CFAP299: variants seen among roughly 807,000 people sequenced by gnomAD.
CFAP299 encodes cilia- and flagella-associated protein 299.
CFAP299 carries 21 observed loss-of-function variants against 27.0 expected under a neutral mutation model. The ratio of observed to expected loss-of-function variants is 0.78; its 90% CI spans 0.55 to 1.12. CFAP299 has a LOEUF of 1.12. CFAP299 is among the 50% of genes most tolerant of loss of function. CFAP299 has a pLI of 0.00. For missense variants in CFAP299, 310 were observed against 276.6 expected (o/e 1.12, Z -0.86); for synonymous variants, 104 against 98.1 (o/e 1.06, Z -0.36).
chr4:80,935,986 G>T (rs1214332835), intron 4 of CFAP299, among the ~76,000 whole-genome samples: 3 of 152,152 alleles, frequency 2.0e-5, no homozygotes, highest in African/African-American at 7.2e-5. Context: ...GATCATTAGA[G>T]AAATGCAAAT....
At chr4:80,418,568 C>A (rs1727133600) in intron 2 of CFAP299, among the ~76,000 whole-genome samples, 1 of 152,124 alleles carries the variant, frequency 6.6e-6, no homozygotes, top group Admixed American at 6.5e-5. Flanking sequence ...TCACACTGTG[C>A]AATTGATCTA....
chr4:80,702,547 A>G (rs895660609), intron 3 of CFAP299, among the ~76,000 whole-genome samples: 6 of 151,886 alleles, frequency 4.0e-5, no homozygotes, highest in Admixed American at 1.3e-4. Flanking sequence ...GGCTCAGATA[A>G]GACCATACAA....
At chr4:80,680,078 G>T (rs993287165) in intron 3 of CFAP299, among the ~76,000 whole-genome samples, 3 of 151,914 alleles carry the variant, frequency 2.0e-5, no homozygotes, top group Admixed American at 2.0e-4. Context: ...TATTTCAATT[G>T]TCAGGTGGTG....
At position 80,689,578 on chromosome 4, in the gene CFAP299, A is replaced by C. The variant is rs958415961; in HGVS notation, c.333+106395A>C. Among the ~76,000 whole-genome samples, 499 of 152,290 alleles carry C rather than the reference A, an allele frequency of 3.3e-3. 3 individuals carry two copies. Among genetic ancestry groups the C allele is most frequent in the Non-Finnish European group, 4.7e-3 (323 of 68,006 alleles). ...GGAAAGGAACAACTGGTACCAGCCGATGCAAAATCATGCCAAATTGTAAAG... is the reference window on the plus strand; with the variant it reads ...GGAAAGGAACAACTGGTACCAGCCGCTGCAAAATCATGCCAAATTGTAAAG... On this transcript the variant is annotated intron_variant, in intron 3 of 5. Coordinates refer to ENST00000358105, the MANE Select transcript of CFAP299 (RefSeq NM_152770.3).
intron 2 of CFAP299, among the ~76,000 whole-genome samples, chr4:80,512,607 A>G (rs1333774889): frequency 1.3e-5 from 2 of 152,070 alleles, no homozygotes; most frequent in Non-Finnish European, 1.5e-5. Context: ...TTACATATGA[A>G]CCTCAGGAAC....
At position 80,737,113 on chromosome 4, in the gene CFAP299, C is replaced by T. The variant is rs569392480; in HGVS notation, c.334-132880C>T. 3.7e-4 allele frequency among the ~76,000 whole-genome samples: 52 copies of T among 140,952 alleles called. No individual in the cohort carries two copies. In the East Asian group the frequency reaches 4.2e-3, roughly 11 times the overall value. The allele number at this position is 140,952 out of a possible 152,430, so 92.5% of individuals were successfully genotyped here. On this transcript the variant is annotated intron_variant, in intron 3 of 5. Transcript: ENST00000358105. The stretch of plus-strand genomic sequence containing the variant: ...TCACTCATAGGTGGGAACTGAACAA[C>T]GAGAACACATGGACACAGGAAGGGG...
chr4:80,743,653 T>G (rs1181162439), intron 3 of CFAP299, among the ~76,000 whole-genome samples: 1 of 152,126 alleles, frequency 6.6e-6, no homozygotes, highest in African/African-American at 2.4e-5. Flanking sequence ...AAATATGACT[T>G]CATTTGCCAC....
At chr4:80,371,194 TG>T (rs1300501592) in intron 2 of CFAP299, among the ~76,000 whole-genome samples, 1 of 152,172 alleles carries the variant, frequency 6.6e-6, no homozygotes, top group Non-Finnish European at 1.5e-5. Context: ...CTGGGGTGGC[TG>T]GGGTTTGGGA....
chr4:80,862,119 C>T (rs1217062193), intron 3 of CFAP299, among the ~76,000 whole-genome samples: 1 of 152,126 alleles, frequency 6.6e-6, no homozygotes, highest in Non-Finnish European at 1.5e-5. Context: ...CCTGTAATCC[C>T]AGCACTTTGG....
intron 4 of CFAP299, chr4:80,870,615 T>C (rs1367415297): frequency 2.0e-6 from 2 of 986,008 alleles, no homozygotes; most frequent in Non-Finnish European, 2.4e-6. Context: ...AATGCTTGCC[T>C]TTTATTCTAG....
At chr4:80,584,597 C>G (rs1319058300) in intron 3 of CFAP299, among the ~76,000 whole-genome samples, 1 of 151,956 alleles carries the variant, frequency 6.6e-6, no homozygotes, top group Non-Finnish European at 1.5e-5. Flanking sequence ...AGTTTTTCTA[C>G]TTTCTTCTGA....
At position 80,944,659 on chromosome 4, in the gene CFAP299, G is replaced by A. The variant is rs1737377775; in HGVS notation, c.477-151G>A. On this transcript the variant is annotated intron_variant, in intron 4 of 5. Transcript: ENST00000358105. ...TAACCCAATCTAATCTCTTGTGCAAGAATTTTAATCTCAAATGTGTTCTAC... is the reference window on the plus strand; with the variant it reads ...TAACCCAATCTAATCTCTTGTGCAAAAATTTTAATCTCAAATGTGTTCTAC... The A allele has an allele frequency of 2.5e-5, 15 of 603,002 alleles. No homozygotes were observed. In the South Asian group the frequency reaches 3.4e-4, roughly 14 times the overall value. The allele number at this position is 603,002 out of a possible 1,614,324, so 37.4% of individuals were successfully genotyped here. A position where few individuals can be genotyped will look rare whatever the true frequency, so the allele number is the denominator to read the frequency against.
intron 3 of CFAP299, among the ~76,000 whole-genome samples, chr4:80,707,431 T>G (rs1721886034): frequency 6.6e-6 from 1 of 152,016 alleles, no homozygotes. Context: ...GTTTATGCAC[T>G]AGAATGACAA....
chr4:80,389,927 T>A (rs146892371), intron 2 of CFAP299, among the ~76,000 whole-genome samples: 65 of 152,232 alleles, frequency 4.3e-4, no homozygotes, highest in African/African-American at 1.4e-3. Flanking sequence ...GTCTCCAGAG[T>A]CCCTGGTGGT....
chr4:80,842,316 C>T (rs1730906626), intron 3 of CFAP299, among the ~76,000 whole-genome samples: 1 of 152,038 alleles, frequency 6.6e-6, no homozygotes, highest in Non-Finnish European at 1.5e-5. Flanking sequence ...TTTTTCATGT[C>T]CCTGGCTTAT....
At chr4:80,937,308 C>CTTTTTTTTTTTTTTTTTTTTTTTTT (rs1736948672) in intron 4 of CFAP299, among the ~76,000 whole-genome samples, 2 of 90,820 alleles carry the variant, frequency 2.2e-5, no homozygotes, top group Admixed American at 1.1e-4. Context: ...CTTTTTTTTT[C>CTTTTTTTTTTTTTTTTTTTTTTTTT]TTTCTTTTTT....
chr4:80,784,567 G>A (rs1480714369), intron 3 of CFAP299, among the ~76,000 whole-genome samples: 3 of 151,654 alleles, frequency 2.0e-5, no homozygotes, highest in Non-Finnish European at 2.9e-5. Context: ...GCCCAGGCTG[G>A]AGTGCAATGG....
intron 2 of CFAP299, among the ~76,000 whole-genome samples, chr4:80,423,715 T>A (rs35712121): frequency 1.9e-4 from 29 of 152,292 alleles, no homozygotes; most frequent in African/African-American, 6.7e-4. Flanking sequence ...ACTTGGTCAG[T>A]GTTTCTTTCT....
At chr4:80,649,639 T>C (rs2109967886) in intron 3 of CFAP299, among the ~76,000 whole-genome samples, 1 of 152,278 alleles carries the variant, frequency 6.6e-6, no homozygotes, top group South Asian at 2.1e-4. Context: ...ATTAGATTGG[T>C]ATCTTGAAAG....
Sources: gnomAD v4.1 joint callset for allele counts (sites outside exome capture counted in the v4.1 genomes callset) on GRCh38, gnomAD v4.1.1 for gene constraint, MANE v1.5 for transcripts, NCBI Gene and HGNC (gene_info 2026-07-23, HGNC 2026-07-21) for gene names.